NUDCD3: variants seen among roughly 807,000 people sequenced by gnomAD.
The protein encoded by NUDCD3 is nudC domain-containing protein 3.
A neutral mutation model predicts 39.7 loss-of-function variants in NUDCD3; 13 were observed. That is an observed-to-expected ratio of 0.33 (90% CI 0.21 to 0.52). The LOEUF (loss-of-function observed/expected upper bound fraction) is 0.52. Ranked by LOEUF, NUDCD3 falls within the 20% of genes least tolerant of loss-of-function variation. The pLI, the probability that NUDCD3 is intolerant of heterozygous loss-of-function variation, is 0.96. For synonymous variants in NUDCD3, 175 were observed against 172.4 expected, an observed-to-expected ratio of 1.02 and a Z score of -0.12; for missense variants, 453 against 458.1, an observed-to-expected ratio of 0.99 and a Z score of 0.10.
At position 44,468,279 on chromosome 7, in the gene NUDCD3, G is replaced by A. The variant is rs1453209506; in HGVS notation, c.509+16689C>T. 3.1e-6 allele frequency: 5 copies of A among 1,589,308 alleles called. No individual in the cohort carries two copies. The Admixed American group carries it at 8.4e-5, about 27-fold the overall frequency. ...ATCAGAGTCACCAACCCCAATGCCAGGCTGCGCAGCGAAGAAAATGAGTAG... is the reference window on the plus strand; with the variant it reads ...ATCAGAGTCACCAACCCCAATGCCAAGCTGCGCAGCGAAGAAAATGAGTAG... On this transcript the variant is annotated intron_variant, in intron 2 of 5. Transcript: ENST00000355451.
chr7:44,479,868 G>A (rs1218916436), intron 2 of NUDCD3, among the ~76,000 whole-genome samples: 1 of 152,194 alleles, frequency 6.6e-6, no homozygotes, highest in East Asian at 1.9e-4. Context: ...CAAGGAAAAG[G>A]ATGGTCTTTC....
At chr7:44,488,155 T>C (rs1376625575) in intron 1 of NUDCD3, among the ~76,000 whole-genome samples, 1 of 151,364 alleles carries the variant, frequency 6.6e-6, no homozygotes, top group African/African-American at 2.4e-5. Context: ...GCCAACATGA[T>C]GAAACCCCAT....
intron 4 of NUDCD3, among the ~76,000 whole-genome samples, chr7:44,394,833 T>C (rs1007377001): frequency 2.0e-5 from 3 of 152,114 alleles, no homozygotes; most frequent in Non-Finnish European, 4.4e-5. Context: ...CTCAGGCCTT[T>C]TGGCACTCCA....
At chr7:44,410,676 G>A (rs1798906709) in intron 3 of NUDCD3, among the ~76,000 whole-genome samples, 1 of 138,566 alleles carries the variant, frequency 7.2e-6, no homozygotes, top group Non-Finnish European at 1.6e-5. Flanking sequence ...AAAAAAAAAA[G>A]TCTAGTAACA....
intron 2 of NUDCD3, among the ~76,000 whole-genome samples, chr7:44,434,368 C>G (rs1429224561): frequency 6.6e-6 from 1 of 152,178 alleles, no homozygotes; most frequent in African/African-American, 2.4e-5. Flanking sequence ...TACTCCCAGG[C>G]TTCCACACAG....
intron 3 of NUDCD3, among the ~76,000 whole-genome samples, chr7:44,406,343 G>A (rs1798820841): frequency 1.3e-5 from 2 of 152,190 alleles, no homozygotes; most frequent in South Asian, 4.1e-4. Flanking sequence ...TTGAACAATA[G>A]GCAACTGAGC....
intron 2 of NUDCD3, among the ~76,000 whole-genome samples, chr7:44,467,005 A>G (rs1019823459): frequency 1.1e-4 from 17 of 152,208 alleles, no homozygotes. Context: ...TGGCTCAGCT[A>G]TCAGCAGTGA....
chr7:44,448,803 C>T (rs1799734199), intron 2 of NUDCD3, among the ~76,000 whole-genome samples: 1 of 152,196 alleles, frequency 6.6e-6, no homozygotes, highest in South Asian at 2.1e-4. Context: ...AAAAAAACTA[C>T]TTCATAGGTC....
intron 3 of NUDCD3, among the ~76,000 whole-genome samples, chr7:44,425,374 T>C (rs759081675): frequency 1.5e-4 from 23 of 152,082 alleles, no homozygotes; most frequent in Non-Finnish European, 2.5e-4. Flanking sequence ...AGGTTGCAGG[T>C]TCTCATGAAG....
intron 2 of NUDCD3, among the ~76,000 whole-genome samples, chr7:44,470,055 T>C (rs1172299190): frequency 6.6e-6 from 1 of 152,220 alleles, no homozygotes; most frequent in Non-Finnish European, 1.5e-5. Flanking sequence ...TAATCCCTCA[T>C]TATAAAAGAC....
At chr7:44,484,770 A>C in intron 2 of NUDCD3, 198 bp downstream of exon 2, 1 of 562,716 alleles carries the variant, frequency 1.8e-6, no homozygotes, top group Non-Finnish European at 3.1e-6. Context: ...TTACCAAATG[A>C]GGGAACTGAC....
chr7:44,403,768 T>A (rs1487982820), intron 4 of NUDCD3, among the ~76,000 whole-genome samples: 1 of 152,260 alleles, frequency 6.6e-6, no homozygotes, highest in African/African-American at 2.4e-5. Context: ...ATATTTTTCT[T>A]TTCACCTTTA....
intron 2 of NUDCD3, among the ~76,000 whole-genome samples, chr7:44,469,476 C>T (rs1563187164): frequency 6.6e-6 from 1 of 152,098 alleles, no homozygotes; most frequent in Non-Finnish European, 1.5e-5. Flanking sequence ...GCAAACAGTA[C>T]AGTAATAATT....
intron 2 of NUDCD3, among the ~76,000 whole-genome samples, chr7:44,453,134 C>T (rs1276372548): frequency 6.6e-6 from 1 of 152,148 alleles, no homozygotes; most frequent in African/African-American, 2.4e-5. Context: ...GGGCGGATCA[C>T]CTGAGGTCAG....
chr7:44,479,386 C>G (rs1800442859), intron 2 of NUDCD3, among the ~76,000 whole-genome samples: 2 of 152,040 alleles, frequency 1.3e-5, no homozygotes, highest in South Asian at 4.1e-4. Context: ...CACCTTACAA[C>G]AAAAATGCAT....
At chr7:44,485,934 C>T (rs1800601217) in intron 1 of NUDCD3, among the ~76,000 whole-genome samples, 1 of 152,222 alleles carries the variant, frequency 6.6e-6, no homozygotes, top group South Asian at 2.1e-4. Context: ...CAAAAAAGTA[C>T]AGTCAAGACA....
At chr7:44,483,096 G>A (rs1800528179) in intron 2 of NUDCD3, among the ~76,000 whole-genome samples, 1 of 152,116 alleles carries the variant, frequency 6.6e-6, no homozygotes, top group Admixed American at 6.6e-5. Context: ...GTATGTGTGT[G>A]TGTGCTCAAA....
At chr7:44,463,856 A>C (rs1268546161) in intron 2 of NUDCD3, among the ~76,000 whole-genome samples, 1 of 152,132 alleles carries the variant, frequency 6.6e-6, no homozygotes. Context: ...AAAGAAATAT[A>C]TTTTCTGGAT....
chr7:44,486,614 TCATTCTAAC>T lies in NUDCD3; in HGVS notation c.193-1339_193-1331del, dbSNP rs1800615392. The stretch of plus-strand genomic sequence containing the variant: ...CTGCAGATAACCTGAAGCCCTGACT[TCATTCTAAC>T]ATTAGGGTCTCTACCGCTTTGAGTC... On this transcript the variant is annotated intron_variant, in intron 1 of 5. Transcript: ENST00000355451. Among the ~76,000 whole-genome samples the T allele has an allele frequency of 3.9e-5, 6 of 152,282 alleles. No individual in the cohort carries two copies. The South Asian group carries it at 1.2e-3, about 32-fold the overall frequency.
Sources: gnomAD v4.1 joint callset for allele counts (sites outside exome capture counted in the v4.1 genomes callset) on GRCh38, gnomAD v4.1.1 for gene constraint, MANE v1.5 for transcripts, NCBI Gene and HGNC (gene_info 2026-07-23, HGNC 2026-07-21) for gene names.